The following NHSL2 variants were observed in gnomAD, a reference collection of about 807,000 sequenced individuals.
NHSL2 encodes the protein NHS like 2.
Under a neutral mutation model 53.4 loss-of-function variants are expected in NHSL2, and 27 were observed. The ratio of observed to expected loss-of-function variants is 0.51; its 90% CI spans 0.37 to 0.70. The LOEUF (loss-of-function observed/expected upper bound fraction) is 0.70. Among genes scored for constraint, NHSL2 ranks in the 30% least tolerant of loss-of-function variants. The pLI is 0.00. For synonymous variants in NHSL2, 408 were observed against 404.1 expected (o/e 1.01, Z -0.12); for missense variants, 892 against 980.1 (o/e 0.91, Z 1.20).
intron 1 of NHSL2, among the ~76,000 whole-genome samples, chrX:71,922,528 G>A (rs1409595632): frequency 2.7e-5 from 3 of 112,326 alleles, no homozygotes; most frequent in Non-Finnish European, 3.8e-5. Flanking sequence ...AGAATAGGCT[G>A]TAGGTGGGAG....
intron 1 of NHSL2, among the ~76,000 whole-genome samples, chrX:72,095,586 T>A (rs1259549771): frequency 8.9e-6 from 1 of 112,256 alleles, no homozygotes; most frequent in Non-Finnish European, 1.9e-5. Flanking sequence ...TGGCAGGGAA[T>A]CCCCACAGGA....
In NHSL2 at chrX:72,142,303, G is replaced by A. The variant is rs1030295290; in HGVS notation, c.3295G>A (p.Asp1099Asn). The change falls in exon 7 of 8, where the codon GAT becomes AAT. Residue 1099 changes from aspartate (D) to asparagine (N), a missense_variant. Coordinates refer to ENST00000633930, the MANE Select transcript of NHSL2 (RefSeq NM_001013627.3). ...SDKTAEWIAE[D>N]DDDVFVASRT... is the part of the protein sequence containing the mutation. ...TAAAACAGCTGAATGGATTGCAGAG[G>A]ATGATGATGACGTGTTTGTGGCTTC... 11 of 1,157,554 alleles carry A rather than the reference G, an allele frequency of 9.5e-6. No individual in the cohort carries two copies. Among genetic ancestry groups the A allele is most frequent in the Non-Finnish European group, 1.3e-5 (11 of 864,010 alleles).
At chrX:71,980,055 A>G (rs1301926311) in intron 1 of NHSL2, among the ~76,000 whole-genome samples, 1 of 112,138 alleles carries the variant, frequency 8.9e-6, no homozygotes. Context: ...CAGGTTTGTC[A>G]AAGATCAGAT....
intron 1 of NHSL2, among the ~76,000 whole-genome samples, chrX:71,942,220 G>A (rs1397817956): frequency 8.9e-6 from 1 of 112,372 alleles, no homozygotes; most frequent in Non-Finnish European, 1.9e-5. Context: ...TCCTTCACCT[G>A]CATGGTGCAG....
chrX:71,988,775 T>C (rs1266333568), intron 1 of NHSL2, among the ~76,000 whole-genome samples: 2 of 111,337 alleles, frequency 1.8e-5, no homozygotes, highest in African/African-American at 6.5e-5. Flanking sequence ...GAGAGAGTTC[T>C]TGGATCTCGC....
At chrX:72,073,710 A>T (rs910585937) in intron 1 of NHSL2, among the ~76,000 whole-genome samples, 3 of 112,341 alleles carry the variant, frequency 2.7e-5, no homozygotes, top group Non-Finnish European at 5.6e-5. Context: ...AATAACAAGG[A>T]AGTTGTAGAG....
At chrX:72,115,498 T>C (rs907470198) in intron 1 of NHSL2, among the ~76,000 whole-genome samples, 6 of 108,697 alleles carry the variant, frequency 5.5e-5, no homozygotes, top group Middle Eastern at 8.7e-3. Context: ...GAGTTAATCT[T>C]ATTAACCTAT....
intron 1 of NHSL2, among the ~76,000 whole-genome samples, chrX:72,075,933 G>A (rs938581504): frequency 3.4e-5 from 3 of 88,507 alleles, no homozygotes; most frequent in Non-Finnish European, 7.1e-5. Flanking sequence ...TGTGTGTTGT[G>A]TGTGTATTTT....
intron 1 of NHSL2, among the ~76,000 whole-genome samples, chrX:71,951,040 A>ACACACACACACACACACAC (rs35096488): frequency 8.2e-5 from 9 of 109,905 alleles, no homozygotes; most frequent in African/African-American, 2.7e-4. Context: ...ACACACACAC[A>ACACACACACACACACACAC]AATACCTGGC....
At chrX:72,049,519 C>T (rs889700268) in intron 1 of NHSL2, among the ~76,000 whole-genome samples, 1 of 110,264 alleles carries the variant, frequency 9.1e-6, no homozygotes, top group East Asian at 2.8e-4. Context: ...CAATTCCCTT[C>T]TTTATTCTCT....
intron 1 of NHSL2, among the ~76,000 whole-genome samples, chrX:71,931,743 G>A (rs1454463425): frequency 8.9e-6 from 1 of 112,888 alleles, no homozygotes; most frequent in Non-Finnish European, 1.9e-5. Context: ...CCTTATGCCA[G>A]TAGCACATAG....
chrX:71,961,292 A>G (rs1333755910), intron 1 of NHSL2, among the ~76,000 whole-genome samples: 1 of 111,140 alleles, frequency 9.0e-6, no homozygotes, highest in Non-Finnish European at 1.9e-5. Flanking sequence ...TTTTGTATAT[A>G]TAAGATCATG....
chrX:71,969,001 A>T (rs1166380636), intron 1 of NHSL2, among the ~76,000 whole-genome samples: 3 of 111,734 alleles, frequency 2.7e-5, no homozygotes. Flanking sequence ...CATTTTGGCT[A>T]TTCTGAGCCC....
In NHSL2 at chrX:72,065,631, G is replaced by A. The variant is rs150243735; in HGVS notation, c.281-66448G>A. 4.2e-3 allele frequency among the ~76,000 whole-genome samples: 464 copies of A among 111,499 alleles called. 3 individuals are homozygous for A. The highest frequency in any genetic ancestry group is 7.3e-3 in the Non-Finnish European group (386 of 53,058). On this transcript the variant is annotated intron_variant, in intron 1 of 7. Transcript: ENST00000633930. ...AAGCACCTACTATGGGCCTGGTGTC[G>A]TTTAGCTCATTTCAGCATTATCTCA...
intron 1 of NHSL2, among the ~76,000 whole-genome samples, chrX:72,088,615 C>G (rs1339987201): frequency 1.8e-5 from 2 of 111,917 alleles, no homozygotes; most frequent in Admixed American, 9.5e-5. Context: ...GGCATTAACA[C>G]CTTAGTGACA....
At chrX:72,066,969 AAAATAAATAAAT>A (rs966869859) in intron 1 of NHSL2, among the ~76,000 whole-genome samples, 1 of 110,903 alleles carries the variant, frequency 9.0e-6, no homozygotes, top group Non-Finnish European at 1.9e-5. Flanking sequence ...ATCTCTACAA[AAAATAAATAAAT>A]AAATAAGGAA....
Position 72,147,444 on chromosome X carries a change from G to T in NHSL2, c.*3870G>T, listed in dbSNP as rs1344176277. 3.6e-5 allele frequency: 4 copies of T among 112,209 alleles called. No homozygotes were observed. In the Admixed American group the frequency reaches 3.8e-4, roughly 11 times the overall value. The allele number at this position is 112,209 out of a possible 1,213,427, so 9.2% of individuals were successfully genotyped here. ...ACAAGTATAGTCCTTCTGATTTGGG[G>T]TCGGGGGTTAACTCCCTATCTCTTG... On this transcript the variant is annotated 3_prime_UTR_variant, in exon 8 of 8. Coordinates refer to ENST00000633930, the MANE Select transcript of NHSL2 (RefSeq NM_001013627.3).
At chrX:72,037,203 A>C (rs2042245565) in intron 1 of NHSL2, among the ~76,000 whole-genome samples, 1 of 112,010 alleles carries the variant, frequency 8.9e-6, no homozygotes, top group Non-Finnish European at 1.9e-5. Flanking sequence ...GCAGATCACA[A>C]GGTCAGGAAA....
chrX:72,100,621 A>G (rs2041983806), intron 1 of NHSL2, among the ~76,000 whole-genome samples: 1 of 111,967 alleles, frequency 8.9e-6, no homozygotes. Flanking sequence ...TCAGATCAGC[A>G]GCGGCATTAG....
Sources: gnomAD v4.1 joint callset for allele counts (sites outside exome capture counted in the v4.1 genomes callset) on GRCh38, gnomAD v4.1.1 for gene constraint, MANE v1.5 for transcripts, NCBI Gene and HGNC (gene_info 2026-07-23, HGNC 2026-07-21) for gene names.